Variants in SBF2 observed in about 807,000 individuals in gnomAD.
SBF2 encodes myotubularin-related protein 13.
A neutral mutation model predicts 225.2 loss-of-function variants in SBF2; 112 were observed. The observed-to-expected ratio is 0.50, with a 90% confidence interval of 0.43 to 0.58. SBF2 has a LOEUF of 0.58. Among genes scored for constraint, SBF2 ranks in the 20% least tolerant of loss-of-function variants. The pLI, the probability that SBF2 is intolerant of heterozygous loss-of-function variation, is 0.00. For missense variants in SBF2, 1,996 were observed against 2,206.2 expected, an observed-to-expected ratio of 0.90 and a Z score of 1.91; for synonymous variants, 763 against 773.3, an observed-to-expected ratio of 0.99 and a Z score of 0.22.
At chr11:10,049,033 T>C (rs1459712737) in intron 2 of SBF2, among the ~76,000 whole-genome samples, 2 of 152,312 alleles carry the variant, frequency 1.3e-5, no homozygotes, top group Middle Eastern at 3.4e-3. Context: ...TAAATACTCC[T>C]TCCTCTTCCA....
intron 17 of SBF2, among the ~76,000 whole-genome samples, chr11:9,881,415 A>C (rs527867948): frequency 6.6e-6 from 1 of 152,294 alleles, no homozygotes; most frequent in East Asian, 1.9e-4. Flanking sequence ...CAGTTGTTTT[A>C]GGAAGAACGA....
rs558783157 is a variant in SBF2, at chr11:10,071,919, C to T, written c.142-28938G>A. Among the ~76,000 whole-genome samples the T allele has an allele frequency of 3.3e-5, 5 of 152,186 alleles. No individual in the cohort carries two copies. In the East Asian group the frequency reaches 7.7e-4, roughly 24 times the overall value. ...TTGCCAGTATTTTATTGAGGATTTT[C>T]GCATCAATACAGAAATTTGTAGGGA... is the stretch of plus-strand genomic sequence containing the variant. On this transcript the variant is annotated intron_variant, in intron 2 of 39. Coordinates refer to ENST00000256190, the MANE Select transcript of SBF2 (RefSeq NM_030962.4).
At chr11:9,959,272 T>C (rs1866401705) in intron 16 of SBF2, 4 of 775,122 alleles carry the variant, frequency 5.2e-6, no homozygotes, top group Non-Finnish European at 9.6e-6. Flanking sequence ...GGCCCGGTAA[T>C]GAGCCTCCAC....
intron 19 of SBF2, 47 bp downstream of exon 19, chr11:9,856,411 G>A: frequency 6.2e-7 from 1 of 1,610,740 alleles, no homozygotes; most frequent in Non-Finnish European, 8.5e-7. Context: ...GCCAAGACTG[G>A]CCCCAAGAAG....
chr11:10,264,729 C>G (rs541297318), intron 1 of SBF2, among the ~76,000 whole-genome samples: 1 of 151,468 alleles, frequency 6.6e-6, no homozygotes, highest in South Asian at 2.1e-4. Flanking sequence ...TACTATCCCT[C>G]CCCTAGCCCC....
chr11:9,785,683 G>A (rs533361023), intron 36 of SBF2, among the ~76,000 whole-genome samples: 1 of 152,162 alleles, frequency 6.6e-6, no homozygotes, highest in East Asian at 2.0e-4. Flanking sequence ...GCAACATGGC[G>A]AAGCCCCATT....
At chr11:10,079,330 A>T (rs1219207999) in intron 2 of SBF2, among the ~76,000 whole-genome samples, 1 of 152,238 alleles carries the variant, frequency 6.6e-6, no homozygotes, top group Non-Finnish European at 1.5e-5. Context: ...CAACTACATC[A>T]GTATCTACAT....
At chr11:9,863,357 G>C (rs963379623) in intron 17 of SBF2, among the ~76,000 whole-genome samples, 1 of 152,226 alleles carries the variant, frequency 6.6e-6, no homozygotes, top group Admixed American at 6.5e-5. Context: ...TCTCGTTTGG[G>C]AGCTCAGGGA....
At chr11:9,937,355 T>A (rs1352556319) in intron 16 of SBF2, among the ~76,000 whole-genome samples, 1 of 152,016 alleles carries the variant, frequency 6.6e-6, no homozygotes, top group African/African-American at 2.4e-5. Context: ...ATCAATTTCA[T>A]CTATTAAATC....
intron 2 of SBF2, among the ~76,000 whole-genome samples, chr11:10,186,763 A>T (rs1362479295): frequency 6.6e-6 from 1 of 152,168 alleles, no homozygotes; most frequent in Non-Finnish European, 1.5e-5. Flanking sequence ...TCCTGAAACT[A>T]TTTAGGGCCT....
chr11:10,174,913 A>T (rs12270341), intron 2 of SBF2, among the ~76,000 whole-genome samples: 1 of 145,714 alleles, frequency 6.9e-6, no homozygotes, highest in African/African-American at 2.6e-5. Context: ...GCCAAACTAA[A>T]CTTCATAAGT....
chr11:10,047,690 T>C (rs768719247), intron 2 of SBF2, among the ~76,000 whole-genome samples: 1 of 152,148 alleles, frequency 6.6e-6, no homozygotes, highest in African/African-American at 2.4e-5. Flanking sequence ...TCTAGAGATA[T>C]CAGAAAAGTA....
intron 26 of SBF2, among the ~76,000 whole-genome samples, chr11:9,833,612 G>A (rs900408484): frequency 5.3e-5 from 8 of 151,752 alleles, no homozygotes; most frequent in Admixed American, 1.3e-4. Context: ...AATAGAGACG[G>A]GGTTTCACCG....
intron 2 of SBF2, among the ~76,000 whole-genome samples, chr11:10,139,243 C>G (rs1954531800): frequency 6.6e-6 from 1 of 152,142 alleles, no homozygotes; most frequent in Admixed American, 6.5e-5. Context: ...TTTCTAAGCA[C>G]TCTATCATAT....
intron 1 of SBF2, among the ~76,000 whole-genome samples, chr11:10,265,665 T>C (rs1453946989): frequency 1.3e-5 from 2 of 152,158 alleles, no homozygotes; most frequent in East Asian, 1.9e-4. Context: ...GAAGAACATA[T>C]ATGCACCTAT....
At chr11:9,832,520 G>A in intron 26 of SBF2, 100 bp from the exon 27 acceptor site, 1 of 802,830 alleles carries the variant, frequency 1.2e-6, no homozygotes, top group East Asian at 2.6e-5. Flanking sequence ...GAGAATATAA[G>A]AAATTGAATA....
At chr11:10,012,121 G>A (rs991347242) in intron 6 of SBF2, among the ~76,000 whole-genome samples, 14 of 152,060 alleles carry the variant, frequency 9.2e-5, no homozygotes, top group Non-Finnish European at 2.1e-4. Flanking sequence ...CAAATGTGCT[G>A]TTAAGCTCAG....
chr11:10,037,163 G>T (rs1290306357), intron 3 of SBF2, among the ~76,000 whole-genome samples: 1 of 152,084 alleles, frequency 6.6e-6, no homozygotes, highest in Non-Finnish European at 1.5e-5. Context: ...TTTCAAAAGG[G>T]GAGGAGAAGA....
At chr11:9,949,631 A>C (rs1438521255) in intron 16 of SBF2, among the ~76,000 whole-genome samples, 1 of 152,142 alleles carries the variant, frequency 6.6e-6, no homozygotes, top group Non-Finnish European at 1.5e-5. Flanking sequence ...ATGACGCTTT[A>C]CTTTTTTAAT....
Sources: gnomAD v4.1 joint callset for allele counts (sites outside exome capture counted in the v4.1 genomes callset) on GRCh38, gnomAD v4.1.1 for gene constraint, MANE v1.5 for transcripts, NCBI Gene and HGNC (gene_info 2026-07-23, HGNC 2026-07-21) for gene names.